Variants in PDE1C observed in about 807,000 individuals in gnomAD.
PDE1C encodes phosphodiesterase 1C, also known as dual specificity calcium/calmodulin-dependent 3',5'-cyclic nucleotide phosphodiesterase 1C.
PDE1C carries 62 observed loss-of-function variants against 93.1 expected under a neutral mutation model. That is an observed-to-expected ratio of 0.67 (90% CI 0.54 to 0.82). PDE1C has a LOEUF of 0.82. Ranked by LOEUF, PDE1C falls within the 40% of genes least tolerant of loss-of-function variation. PDE1C has a pLI of 0.00. For missense variants in PDE1C, 742 were observed against 884.6 expected (o/e 0.84, Z 2.04); for synonymous variants, 325 against 310.1 (o/e 1.05, Z -0.50).
intron 2 of PDE1C, among the ~76,000 whole-genome samples, chr7:31,947,405 T>C (rs989898700): frequency 6.6e-6 from 1 of 152,194 alleles, no homozygotes; most frequent in African/African-American, 2.4e-5. Flanking sequence ...AAATTAAACA[T>C]CATAGCATGT....
intron 6 of PDE1C, among the ~76,000 whole-genome samples, chr7:31,869,213 C>T (rs879832604): frequency 3.3e-5 from 5 of 151,996 alleles, no homozygotes; most frequent in Non-Finnish European, 7.4e-5. Flanking sequence ...TAAGAAAGGA[C>T]ATACAACACA....
At chr7:32,200,545 G>A (rs1021401761) in intron 2 of PDE1C, among the ~76,000 whole-genome samples, 8 of 152,062 alleles carry the variant, frequency 5.3e-5, no homozygotes, top group Middle Eastern at 3.2e-3. Flanking sequence ...CTATTGATGC[G>A]TAACAGATCA....
intron 1 of PDE1C, among the ~76,000 whole-genome samples, chr7:32,257,963 C>A (rs1407958597): frequency 6.6e-6 from 1 of 152,262 alleles, no homozygotes; most frequent in Non-Finnish European, 1.5e-5. Context: ...TACATGCTGT[C>A]TATCCATCTA....
At chr7:31,644,950 T>G in the PDE1C span, among the ~76,000 whole-genome samples, 1 of 152,240 alleles carries the variant, frequency 6.6e-6, no homozygotes, top group African/African-American at 2.4e-5. Flanking sequence ...ATTTAGTGAG[T>G]GTCTATGCTG....
chr7:31,720,103 C>T, the PDE1C span, among the ~76,000 whole-genome samples: 14 of 130,998 alleles, frequency 1.1e-4, no homozygotes, highest in Non-Finnish European at 1.7e-4. Context: ...GCGGAGCTTG[C>T]AGTGAGCCGA....
intron 1 of PDE1C, among the ~76,000 whole-genome samples, chr7:32,377,370 A>G (rs568798540): frequency 6.6e-6 from 1 of 152,322 alleles, no homozygotes; most frequent in South Asian, 2.1e-4. Context: ...ATACATTGCA[A>G]TAGAGTTAGC....
chr7:32,276,219 C>T (rs1336359172), intron 1 of PDE1C, among the ~76,000 whole-genome samples: 1 of 152,162 alleles, frequency 6.6e-6, no homozygotes, highest in South Asian at 2.1e-4. Context: ...GAAATAGGTA[C>T]TATTTGTCAG....
At chr7:32,253,119 G>A (rs1488304367) in intron 1 of PDE1C, among the ~76,000 whole-genome samples, 1 of 152,218 alleles carries the variant, frequency 6.6e-6, no homozygotes, top group Non-Finnish European at 1.5e-5. Flanking sequence ...AGATGTCTTA[G>A]TGAGAGATCA....
chr7:31,739,395 G>A, the PDE1C span, among the ~76,000 whole-genome samples: 1 of 152,138 alleles, frequency 6.6e-6, no homozygotes, highest in Non-Finnish European at 1.5e-5. Context: ...ATGGGTGAGA[G>A]GGAATGCCCT....
intron 1 of PDE1C, among the ~76,000 whole-genome samples, chr7:32,310,864 T>C (rs1175841887): frequency 1.3e-5 from 2 of 151,796 alleles, no homozygotes; most frequent in East Asian, 1.9e-4. Context: ...AGAGCAAACA[T>C]ATTCAAAAGC....
chr7:31,983,193 C>CAATT (rs1251415253), intron 2 of PDE1C, among the ~76,000 whole-genome samples: 3 of 152,184 alleles, frequency 2.0e-5, no homozygotes, highest in Admixed American at 1.3e-4. Flanking sequence ...AAACATCTCC[C>CAATT]AATTACTCCT....
rs147142396 is a variant in PDE1C at position 32,093,224 on chromosome 7, C to T, written c.308+76561G>A. ...AAGCTCTTTCCCACCTAGTTAATGG[C>T]CAGTCTTCTGCAGTCACAAGAGTGG... On this transcript the variant is annotated intron_variant, in intron 3 of 18. Coordinates refer to the PDE1C transcript ENST00000396193. Among the ~76,000 whole-genome samples, 1,017 of 152,294 alleles carry T rather than the reference C, an allele frequency of 6.7e-3. 6 individuals carry two copies. Among genetic ancestry groups the T allele is most frequent in the Non-Finnish European group, 0.012 (832 of 68,016 alleles).
chr7:31,748,028 G>T (rs1440398708), downstream of PDE1C, among the ~76,000 whole-genome samples: 1 of 139,284 alleles, frequency 7.2e-6, no homozygotes, highest in Non-Finnish European at 1.6e-5. Flanking sequence ...TGGTCCCTGA[G>T]CAAGGAAGGG....
chr7:32,296,021 T>C (rs1812594868), intron 1 of PDE1C, among the ~76,000 whole-genome samples: 1 of 152,092 alleles, frequency 6.6e-6, no homozygotes, highest in Non-Finnish European at 1.5e-5. Flanking sequence ...ATTTTTTAAA[T>C]ACTTTATATA....
chr7:31,785,320 C>T (rs1783815653), intron 16 of PDE1C: 1 of 152,226 alleles, frequency 6.6e-6, no homozygotes, highest in South Asian at 2.1e-4. Flanking sequence ...ACACCCCACT[C>T]CCTGCTTCTC....
intron 2 of PDE1C, among the ~76,000 whole-genome samples, chr7:32,178,405 G>T (rs1166788888): frequency 6.6e-6 from 1 of 152,148 alleles, no homozygotes; most frequent in Non-Finnish European, 1.5e-5. Context: ...GGTCTGCTCT[G>T]ACAAAATGAA....
At chr7:31,654,471 T>C in the PDE1C span, among the ~76,000 whole-genome samples, 1 of 152,156 alleles carries the variant, frequency 6.6e-6, no homozygotes, top group Non-Finnish European at 1.5e-5. Flanking sequence ...GGTCGTCATA[T>C]AATCTGATTT....
At chr7:32,257,738 A>C (rs912593214) in intron 1 of PDE1C, among the ~76,000 whole-genome samples, 4 of 152,218 alleles carry the variant, frequency 2.6e-5, no homozygotes, top group Admixed American at 2.6e-4. Context: ...TCAATTGTCC[A>C]AACCTAGTGA....
intron 2 of PDE1C, among the ~76,000 whole-genome samples, chr7:32,011,941 GAATA>G (rs1359130201): frequency 6.6e-6 from 1 of 152,036 alleles, no homozygotes; most frequent in Non-Finnish European, 1.5e-5. Flanking sequence ...AGCCAACAGT[GAATA>G]AATTAGAATA....
Sources: gnomAD v4.1 joint callset for allele counts (sites outside exome capture counted in the v4.1 genomes callset) on GRCh38, gnomAD v4.1.1 for gene constraint, MANE v1.5 for transcripts, NCBI Gene and HGNC (gene_info 2026-07-23, HGNC 2026-07-21) for gene names.